The following NLRP4 variants were observed in gnomAD, a reference collection of about 807,000 sequenced individuals.
NLRP4 encodes NLR family pyrin domain containing 4.
In NLRP4, 44 loss-of-function variants were observed where a neutral mutation model predicts 84.7. The ratio of observed to expected loss-of-function variants is 0.52; its 90% CI spans 0.41 to 0.67. The LOEUF (loss-of-function observed/expected upper bound fraction) is 0.67. Ranked by LOEUF, NLRP4 falls within the 30% of genes least tolerant of loss-of-function variation. The pLI, the probability that NLRP4 is intolerant of heterozygous loss-of-function variation, is 0.00. For synonymous variants in NLRP4, 544 were observed against 476.4 expected, an observed-to-expected ratio of 1.14 and a Z score of -1.85; for missense variants, 1,260 against 1,219.4, an observed-to-expected ratio of 1.03 and a Z score of -0.50.
rs570228652 is a variant in NLRP4 at position 55,848,967 on chromosome 19, C to A, written c.-65-3049C>A. 3.3e-5 allele frequency among the ~76,000 whole-genome samples: 5 copies of A among 152,194 alleles called. No individual in the cohort carries two copies. The South Asian group carries it at 1.0e-3, about 32-fold the overall frequency. On this transcript the variant is annotated intron_variant, in intron 1 of 9. Coordinates refer to ENST00000301295, the MANE Select transcript of NLRP4 (RefSeq NM_134444.5). ...CTTGTCTGCCGCCATGTAAGATGTG[C>A]CTTTTGCCTTCCCCCATGATTGTGA...
chr19:55,859,936 A>AAAACAAAAC (rs1380901716), intron 3 of NLRP4, among the ~76,000 whole-genome samples: 1 of 127,686 alleles, frequency 7.8e-6, no homozygotes, highest in African/African-American at 2.9e-5. Flanking sequence ...CAAAAAAAAA[A>AAAACAAAAC]AAAAAAAAAA....
chr19:55,878,766 C>T (rs1464516108), intron 8 of NLRP4, 28 bp from the exon 9 acceptor site: 2 of 1,594,248 alleles, frequency 1.3e-6, no homozygotes, highest in Non-Finnish European at 1.7e-6. Context: ...GCTGGGGCCG[C>T]ATCTTACCAT....
intron 7 of NLRP4, among the ~76,000 whole-genome samples, chr19:55,873,326 G>A (rs528980228): frequency 1.3e-5 from 2 of 152,104 alleles, no homozygotes; most frequent in South Asian, 4.1e-4. Context: ...GTAAATTAAG[G>A]TGAATACTCA....
At chr19:55,838,827 C>G (rs919197394) in intron 1 of NLRP4, among the ~76,000 whole-genome samples, 4 of 152,002 alleles carry the variant, frequency 2.6e-5, no homozygotes, top group Non-Finnish European at 5.9e-5. Context: ...GATAACCACA[C>G]TATATAAAAA....
At chr19:55,869,451 A>C (rs912331170) in intron 6 of NLRP4, among the ~76,000 whole-genome samples, 1 of 152,102 alleles carries the variant, frequency 6.6e-6, no homozygotes, top group African/African-American at 2.4e-5. Context: ...GATCCGTGAG[A>C]GAAGCAAGCT....
At chr19:55,849,818 G>A (rs1032596908) in intron 1 of NLRP4, among the ~76,000 whole-genome samples, 1 of 151,692 alleles carries the variant, frequency 6.6e-6, no homozygotes, top group Non-Finnish European at 1.5e-5. Context: ...CCAAAGCTGC[G>A]GTGTAATTTC....
At chr19:55,850,367 T>G (rs62127055) in intron 1 of NLRP4, among the ~76,000 whole-genome samples, 2,949 of 14,560 alleles carry the variant, frequency 0.2, 5 homozygotes, top group South Asian at 0.23. Context: ...GCGGTGTAAT[T>G]TCCGAGGCTG....
chr19:55,879,140 G>T (rs895147511), intron 9 of NLRP4, among the ~76,000 whole-genome samples, 176 bp downstream of exon 9: 2 of 152,188 alleles, frequency 1.3e-5, no homozygotes, highest in Non-Finnish European at 2.9e-5. Flanking sequence ...ACAGTAAGTG[G>T]TGAACAGTGA....
At position 55,878,843 on chromosome 19, in the gene NLRP4, G is replaced by A. The variant is rs1985476256; in HGVS notation, c.2746G>A (p.Val916Ile). The change falls in exon 9 of 10, where the codon GTT (valine) becomes ATT (isoleucine). Residue 916 changes from valine (V) to isoleucine (I), a missense_variant. Val to Ile is a conservative substitution (Grantham distance 29). Transcript: ENST00000301295. ...TSTCCKDLAS[V>I]LTCSKTLQQL... ...CACCTGCTGTAAGGATCTCGCGTCT[G>A]TTCTCACCTGCAGTAAGACCCTGCA... 1 of 1,613,970 alleles carries A rather than the reference G, an allele frequency of 6.2e-7. No homozygotes were observed. The highest frequency in any genetic ancestry group is 8.5e-7 in the Non-Finnish European group (1 of 1,179,890).
rs1250021575 is a variant in NLRP4, at chr19:55,870,853, A to C, written c.2381A>C (p.Gln794Pro). Residue 794 changes from glutamine (Q) to proline (P), a missense_variant, in exon 7 of 10, where the codon CAG (glutamine) becomes CCG (proline). Coordinates refer to ENST00000301295, the MANE Select transcript of NLRP4 (RefSeq NM_134444.5). The stretch of plus-strand genomic sequence containing the variant: ...TTGGCTTTCTGCCACCTCAGCGAGC[A>C]GTGCTGCGAATACATCTCTGAAATG... ...LMLAFCHLSE[Q>P]CCEYISEMLL... 7 of 1,613,978 alleles carry C rather than the reference A, an allele frequency of 4.3e-6. No individual in the cohort carries two copies. Among genetic ancestry groups the C allele is most frequent in the Non-Finnish European group, 5.9e-6 (7 of 1,179,840 alleles).
At chr19:55,844,005 C>G (rs1201865235) in intron 1 of NLRP4, among the ~76,000 whole-genome samples, 3 of 152,142 alleles carry the variant, frequency 2.0e-5, no homozygotes, top group African/African-American at 7.2e-5. Context: ...CTGATACTAA[C>G]ACATTGTATT....
intron 2 of NLRP4, among the ~76,000 whole-genome samples, chr19:55,855,396 A>G (rs1195508773): frequency 2.0e-5 from 3 of 152,212 alleles, no homozygotes; most frequent in African/African-American, 7.2e-5. Flanking sequence ...CATGTCACCG[A>G]AATCTCCAGA....
rs754664911 is a variant in NLRP4 at position 55,867,850 on chromosome 19, C to G, written c.2328C>G (p.Ser776Arg). The G allele has an allele frequency of 1.8e-4, 283 of 1,613,988 alleles. No homozygotes were observed. The highest frequency in any genetic ancestry group is 2.3e-4 in the Non-Finnish European group (274 of 1,179,976). The change falls in exon 6 of 10, where the codon AGC becomes AGG. Residue 776 changes from serine (S) to arginine (R), a missense_variant. By Grantham distance (110) the Ser-to-Arg change is moderately radical. Around this residue, in one of 3 missense-constraint regions of NLRP4, gnomAD observed 544 missense variants for 531.7 expected, o/e 1.02. Coordinates refer to ENST00000301295, the MANE Select transcript of NLRP4 (RefSeq NM_134444.5). Reference protein sequence around the residue: ...GVPLLCEALCSPDTVLVYLML... With the variant: ...GVPLLCEALCRPDTVLVYLML... ...CCCTTTTGTGTGAAGCCCTGTGCAG[C>G]CCAGACACGGTCCTGGTATACCTGA...
intron 7 of NLRP4, among the ~76,000 whole-genome samples, chr19:55,871,264 C>G (rs1262155250): frequency 6.6e-6 from 1 of 152,144 alleles, no homozygotes; most frequent in African/African-American, 2.4e-5. Flanking sequence ...AGGTCGGGAC[C>G]TGAGGGGCAA....
chr19:55,859,339 A>G (rs1325831271), intron 3 of NLRP4, 90 bp downstream of exon 3: 1 of 1,043,974 alleles, frequency 9.6e-7, no homozygotes, highest in East Asian at 2.4e-5. Flanking sequence ...ATATAGGATC[A>G]TGGTTAGAAA....
At position 55,850,707 on chromosome 19, in the gene NLRP4, T is replaced by G. The variant is rs1218262808; in HGVS notation, c.-65-1309T>G. 8.3e-4 allele frequency among the ~76,000 whole-genome samples: 97 copies of G among 116,284 alleles called. 12 individuals carry two copies. The highest frequency in any genetic ancestry group is 0.014 in the Middle Eastern group (2 of 146). The allele number at this position is 116,284 out of a possible 152,430, so 76.3% of individuals were successfully genotyped here. On this transcript the variant is annotated intron_variant, in intron 1 of 9. Coordinates refer to ENST00000301295, the MANE Select transcript of NLRP4 (RefSeq NM_134444.5). Reference sequence around the variant, plus strand: ...GTAATGTCCGTGGCTGCGGTGTACTTCCCGAGGCTGCGGTGTACTTTCCGA... The same window carrying G: ...GTAATGTCCGTGGCTGCGGTGTACTGCCCGAGGCTGCGGTGTACTTTCCGA...
intron 5 of NLRP4, among the ~76,000 whole-genome samples, chr19:55,863,698 G>GGA (rs1424398196): frequency 6.6e-6 from 1 of 152,184 alleles, no homozygotes; most frequent in Non-Finnish European, 1.5e-5. Flanking sequence ...AGATAGTGAA[G>GGA]GAGAGGGGTA....
intron 2 of NLRP4, among the ~76,000 whole-genome samples, chr19:55,852,632 A>G (rs1434727961): frequency 1.3e-5 from 2 of 152,008 alleles, no homozygotes; most frequent in African/African-American, 4.8e-5. Flanking sequence ...GCCTGCCACC[A>G]TGCCTGGCTA....
chr19:55,838,432 G>A (rs551431406), intron 1 of NLRP4, among the ~76,000 whole-genome samples: 3 of 152,024 alleles, frequency 2.0e-5, no homozygotes, highest in Non-Finnish European at 4.4e-5. Context: ...TAAGAGGCAA[G>A]GAAGGGCTCC....
Sources: allele counts gnomAD v4.1 joint callset (sites outside exome capture counted in the v4.1 genomes callset), GRCh38; gene constraint gnomAD v4.1.1; regional missense constraint gnomAD v4.1.1; transcripts MANE v1.5; gene names NCBI Gene and HGNC (gene_info 2026-07-23, HGNC 2026-07-21).